The following KIAA1217 variants were observed in gnomAD, a reference collection of about 807,000 sequenced individuals.
KIAA1217 encodes sickle tail protein homolog.
Under a neutral mutation model 163.9 loss-of-function variants are expected in KIAA1217, and 88 were observed. The observed-to-expected ratio is 0.54, with a 90% CI of 0.45 to 0.64. KIAA1217 has a LOEUF of 0.64. KIAA1217 is among the 30% of genes least tolerant of loss of function. The pLI is 0.00. For missense variants in KIAA1217, 2,372 were observed against 2,475.0 expected, an observed-to-expected ratio of 0.96 and a Z score of 0.88; for synonymous variants, 903 against 923.1, an observed-to-expected ratio of 0.98 and a Z score of 0.39.
intron 2 of KIAA1217, among the ~76,000 whole-genome samples, chr10:24,355,817 C>T (rs564553686): frequency 8.1e-4 from 105 of 129,866 alleles, no homozygotes; most frequent in African/African-American, 2.9e-3. Flanking sequence ...GGCCCGATCT[C>T]GGCTCACTGC....
chr10:23,982,031 G>A lies in KIAA1217; in HGVS notation c.-320-25194G>A, dbSNP rs569331931. 3.0e-4 allele frequency among the ~76,000 whole-genome samples: 46 copies of A among 151,870 alleles called. No individual in the cohort carries two copies. The East Asian group carries it at 8.2e-3, about 27-fold the overall frequency. ...AAGGAACCTCCCAAAAGCTGAGAAT[G>A]GAACTGGCTGCTGTAGTAGTGGTGA... On this transcript the variant is annotated intron_variant, in intron 1 of 18. Transcript: ENST00000376462.
At chr10:24,108,982 G>C (rs2062736678) in intron 2 of KIAA1217, among the ~76,000 whole-genome samples, 1 of 152,046 alleles carries the variant, frequency 6.6e-6, no homozygotes, top group African/African-American at 2.4e-5. Flanking sequence ...CAGGCATGTG[G>C]CACCACACCC....
chr10:23,717,394 G>A (rs116645730), intron 1 of KIAA1217, among the ~76,000 whole-genome samples: 1,743 of 152,166 alleles, frequency 0.011, 26 homozygotes, highest in African/African-American at 0.036. Flanking sequence ...TACCTGGATT[G>A]TCTAATTTAT....
At chr10:23,939,663 T>C (rs1170747114) in intron 1 of KIAA1217, among the ~76,000 whole-genome samples, 2 of 151,828 alleles carry the variant, frequency 1.3e-5, no homozygotes, top group Non-Finnish European at 2.9e-5. Flanking sequence ...CTTACAATTA[T>C]AATTAGAAAT....
chr10:23,987,532 T>C (rs1483460672), intron 1 of KIAA1217, among the ~76,000 whole-genome samples: 2 of 152,066 alleles, frequency 1.3e-5, no homozygotes, highest in African/African-American at 4.8e-5. Context: ...CATGTACAAC[T>C]TGTTTTGAAA....
chr10:23,820,242 TATCCCTTATCTCACAGAG>T, intron 1 of KIAA1217, among the ~76,000 whole-genome samples: 1 of 152,316 alleles, frequency 6.6e-6, no homozygotes, highest in Admixed American at 6.5e-5. Context: ...TTCTATTTCA[TATCCCTTATCTCACAGAG>T]CTTCACATAT....
rs567058878 is a variant in KIAA1217, at chr10:24,425,315, T to C, written c.554-7680T>C. Among the ~76,000 whole-genome samples, 6 of 152,312 alleles carry C rather than the reference T, an allele frequency of 3.9e-5. No homozygotes were observed. In the South Asian group the frequency reaches 1.2e-3, roughly 32 times the overall value. Reference sequence around the variant, plus strand: ...CATCAGGTATTTCAGGAGACTTAACTTGAACCTAACGAAACCAAGTTTCAG... The same window carrying C: ...CATCAGGTATTTCAGGAGACTTAACCTGAACCTAACGAAACCAAGTTTCAG... On this transcript the variant is annotated intron_variant, in intron 3 of 20. Transcript: ENST00000376454.
intron 5 of KIAA1217, among the ~76,000 whole-genome samples, chr10:24,442,026 C>T (rs569702758): frequency 1.2e-4 from 18 of 152,254 alleles, no homozygotes; most frequent in Non-Finnish European, 2.5e-4. Context: ...ACTCTCTGCT[C>T]TCATCATTTA....
At position 24,547,575 on chromosome 10, in the gene KIAA1217, G is replaced by T. The variant is rs1383420625; in HGVS notation, c.*1251G>T. On this transcript the variant is annotated 3_prime_UTR_variant, in exon 21 of 21. Coordinates refer to ENST00000376454, the MANE Select transcript of KIAA1217 (RefSeq NM_019590.5). ...AGTTAAATGTTTTTCCGCTTTGAGG[G>T]ATGTAACCACATCCACTCAGAGGAC... The T allele has an allele frequency of 3.9e-5, 6 of 152,162 alleles. No homozygotes were observed. The highest frequency in any genetic ancestry group is 2.1e-4 in the South Asian group (1 of 4,830). 9.4% of individuals were successfully genotyped at this position (152,162 alleles called of 1,614,324 possible). A position where few individuals can be genotyped will look rare whatever the true frequency, so the allele number is the denominator to read the frequency against.
intron 2 of KIAA1217, among the ~76,000 whole-genome samples, chr10:24,298,556 G>A (rs961188450): frequency 1.3e-5 from 2 of 152,106 alleles, no homozygotes; most frequent in Non-Finnish European, 2.9e-5. Context: ...CCAGCACTTT[G>A]GGAGGCCGAA....
chr10:24,015,754 CAAA>C (rs3072771), intron 2 of KIAA1217, among the ~76,000 whole-genome samples: 1 of 121,040 alleles, frequency 8.3e-6, no homozygotes, highest in Non-Finnish European at 1.7e-5. Context: ...GACTCTGACT[CAAA>C]AAAAAAAAAA....
intron 2 of KIAA1217, among the ~76,000 whole-genome samples, chr10:24,188,665 T>C (rs2131972690): frequency 6.6e-6 from 1 of 152,124 alleles, no homozygotes; most frequent in Non-Finnish European, 1.5e-5. Flanking sequence ...AGGTTGGGCC[T>C]TAAAGAATCA....
chr10:24,534,131 T>C (rs1245622515), intron 16 of KIAA1217, among the ~76,000 whole-genome samples: 1 of 152,244 alleles, frequency 6.6e-6, no homozygotes, highest in Non-Finnish European at 1.5e-5. Flanking sequence ...TCCTCTTTTC[T>C]TTGGAGTAGG....
intron 2 of KIAA1217, among the ~76,000 whole-genome samples, chr10:24,089,537 A>G (rs1168557284): frequency 7.3e-5 from 11 of 149,758 alleles, no homozygotes; most frequent in Non-Finnish European, 1.2e-4. Flanking sequence ...TCCTGGCACC[A>G]TTTATTAAAT....
chr10:24,257,777 C>T (rs1050848002), intron 2 of KIAA1217, among the ~76,000 whole-genome samples: 5 of 152,140 alleles, frequency 3.3e-5, no homozygotes, highest in African/African-American at 1.2e-4. Flanking sequence ...GAGTGCATGA[C>T]CCTGCTTGAG....
intron 2 of KIAA1217, among the ~76,000 whole-genome samples, chr10:24,276,928 A>T (rs1005915637): frequency 1.4e-5 from 2 of 148,122 alleles, no homozygotes; most frequent in African/African-American, 4.9e-5. Context: ...AATTAAAAAA[A>T]AAATAAAAAT....
chr10:23,736,723 G>T (rs1431137307), intron 1 of KIAA1217, among the ~76,000 whole-genome samples: 1 of 152,082 alleles, frequency 6.6e-6, no homozygotes, highest in Non-Finnish European at 1.5e-5. Flanking sequence ...ATGGAGTCTT[G>T]CTGTGTTGCC....
intron 1 of KIAA1217, among the ~76,000 whole-genome samples, chr10:23,707,326 G>A (rs976204967): frequency 2.6e-5 from 4 of 152,112 alleles, no homozygotes; most frequent in Non-Finnish European, 5.9e-5. Flanking sequence ...ACAGAGAGCA[G>A]GAGGAAGGGA....
intron 1 of KIAA1217, among the ~76,000 whole-genome samples, chr10:23,941,131 G>A (rs2131335113): frequency 6.6e-6 from 1 of 152,322 alleles, no homozygotes; most frequent in East Asian, 1.9e-4. Context: ...TCGAGGCAGA[G>A]ACTTCAAATA....
Sources: allele counts gnomAD v4.1 joint callset (sites outside exome capture counted in the v4.1 genomes callset), GRCh38; gene constraint gnomAD v4.1.1; transcripts MANE v1.5; gene names NCBI Gene and HGNC (gene_info 2026-07-23, HGNC 2026-07-21).